The following SBF2 variants were observed in gnomAD, a reference collection of about 807,000 sequenced individuals.
SBF2 encodes SET binding factor 2, also known as myotubularin-related protein 13.
SBF2 carries 112 observed loss-of-function variants against 225.2 expected under a neutral mutation model. The observed-to-expected ratio is 0.50, with a 90% CI of 0.43 to 0.58. SBF2 has a LOEUF of 0.58. Among genes scored for constraint, SBF2 ranks in the 20% least tolerant of loss-of-function variants. The probability of loss-of-function intolerance (pLI) is 0.00; values close to 1 mark genes in which losing one functional copy is unlikely to be tolerated. For missense variants in SBF2, 1,996 were observed against 2,206.2 expected, an observed-to-expected ratio of 0.90 and a Z score of 1.91; for synonymous variants, 763 against 773.3, an observed-to-expected ratio of 0.99 and a Z score of 0.22.
chr11:9,850,633 T>G (rs1039576660), intron 21 of SBF2, among the ~76,000 whole-genome samples: 6 of 152,206 alleles, frequency 3.9e-5, no homozygotes, highest in African/African-American at 1.2e-4. Context: ...CTAAAAAACT[T>G]AAGCCAGACT....
intron 1 of SBF2, among the ~76,000 whole-genome samples, chr11:10,283,291 G>A (rs1963532097): frequency 6.6e-6 from 1 of 152,068 alleles, no homozygotes; most frequent in African/African-American, 2.4e-5. Flanking sequence ...CTTGACAGGT[G>A]GCAACAAACA....
intron 2 of SBF2, among the ~76,000 whole-genome samples, chr11:10,165,955 AAAG>A (rs1955932735): frequency 6.6e-6 from 1 of 152,238 alleles, no homozygotes; most frequent in African/African-American, 2.4e-5. Context: ...AACTCACAGA[AAAG>A]AATAAGACTC....
chr11:10,159,526 G>C (rs776712041), intron 2 of SBF2, among the ~76,000 whole-genome samples: 1 of 152,158 alleles, frequency 6.6e-6, no homozygotes, highest in African/African-American at 2.4e-5. Flanking sequence ...AGCACAAGAA[G>C]ACAGCTTCGA....
Position 9,914,185 on chromosome 11 carries a change from G to A in SBF2, c.1861-18174C>T, listed in dbSNP as rs532560466. 1.3e-4 allele frequency among the ~76,000 whole-genome samples: 20 copies of A among 152,252 alleles called. No individual in the cohort carries two copies. In the South Asian group the frequency reaches 4.2e-3, roughly 32 times the overall value. ...AAAACAGCTGTGATTAATATGCTAG[G>A]GGCTCCACTGGATAAAGTAGACAGC... is the stretch of plus-strand genomic sequence containing the variant. On this transcript the variant is annotated intron_variant, in intron 16 of 39. Transcript: ENST00000256190.
chr11:9,803,067 T>C (rs990846953), intron 32 of SBF2, among the ~76,000 whole-genome samples: 5 of 152,220 alleles, frequency 3.3e-5, no homozygotes, highest in Non-Finnish European at 5.9e-5. Flanking sequence ...GAAGTCATAC[T>C]GATAGGGTCT....
chr11:9,967,312 C>T (rs1466227849), intron 14 of SBF2, among the ~76,000 whole-genome samples: 1 of 150,134 alleles, frequency 6.7e-6, no homozygotes, highest in Non-Finnish European at 1.5e-5. Flanking sequence ...GCGGAGCTTG[C>T]AGTGAGCCGA....
At chr11:10,065,754 C>T (rs1456173441) in intron 2 of SBF2, among the ~76,000 whole-genome samples, 1 of 152,118 alleles carries the variant, frequency 6.6e-6, no homozygotes, top group Admixed American at 6.6e-5. Context: ...GAGTTCGAGA[C>T]CAGCTTAACA....
At chr11:9,817,116 T>C (rs1459459349) in intron 28 of SBF2, 92 bp from the exon 29 acceptor site, 2 of 1,345,748 alleles carry the variant, frequency 1.5e-6, no homozygotes, top group African/African-American at 1.4e-5. Flanking sequence ...GCTACAGTTT[T>C]AGAGGTCATA....
chr11:9,953,274 T>C (rs967318964), intron 16 of SBF2, among the ~76,000 whole-genome samples: 1 of 152,024 alleles, frequency 6.6e-6, no homozygotes, highest in Non-Finnish European at 1.5e-5. Flanking sequence ...TGAAACTCCA[T>C]CTCTACTAAA....
chr11:10,160,225 T>TA (rs1955674155), intron 2 of SBF2, among the ~76,000 whole-genome samples: 1 of 151,572 alleles, frequency 6.6e-6, no homozygotes, highest in South Asian at 2.1e-4. Flanking sequence ...AGTCGTGAAA[T>TA]AAAAACATGT....
At chr11:10,221,016 C>G (rs1383665251) in intron 1 of SBF2, among the ~76,000 whole-genome samples, 1 of 152,070 alleles carries the variant, frequency 6.6e-6, no homozygotes, top group East Asian at 1.9e-4. Context: ...TTCTATTCCT[C>G]TGTGTTCTTC....
chr11:9,785,409 A>G, intron 36 of SBF2, 91 bp from the exon 37 acceptor site: 1 of 1,061,660 alleles, frequency 9.4e-7, no homozygotes, highest in Non-Finnish European at 1.5e-6. Flanking sequence ...ATCTCAAGGA[A>G]AAAACTGGAC....
chr11:10,295,242 C>T (rs1440942117), upstream of SBF2, among the ~76,000 whole-genome samples: 1 of 152,158 alleles, frequency 6.6e-6, no homozygotes, highest in Non-Finnish European at 1.5e-5. Flanking sequence ...AAGACAAGGC[C>T]TCTTAGCAAA....
intron 13 of SBF2, among the ~76,000 whole-genome samples, chr11:9,973,743 G>T (rs890337823): frequency 6.6e-6 from 1 of 152,150 alleles, no homozygotes. Flanking sequence ...TACAAGGCTT[G>T]AAACTAATTT....
chr11:9,891,870 C>A (rs1860850104), intron 17 of SBF2, among the ~76,000 whole-genome samples: 1 of 152,118 alleles, frequency 6.6e-6, no homozygotes, highest in Non-Finnish European at 1.5e-5. Context: ...AACACTCTGA[C>A]ACTAAATAAA....
intron 1 of SBF2, among the ~76,000 whole-genome samples, chr11:10,280,981 A>G (rs1352710833): frequency 3.3e-5 from 5 of 152,200 alleles, no homozygotes; most frequent in African/African-American, 4.8e-5. Context: ...ACTGATCGCT[A>G]TCTGCCACAC....
At chr11:10,144,901 A>G (rs1214530879) in intron 2 of SBF2, among the ~76,000 whole-genome samples, 1 of 152,248 alleles carries the variant, frequency 6.6e-6, no homozygotes, top group Non-Finnish European at 1.5e-5. Flanking sequence ...GCAACTTAAC[A>G]TACTACTTCA....
intron 13 of SBF2, among the ~76,000 whole-genome samples, chr11:9,975,374 T>C (rs933415107): frequency 1.3e-5 from 2 of 152,100 alleles, no homozygotes; most frequent in African/African-American, 4.8e-5. Flanking sequence ...CTGTGCTAAG[T>C]GAATGAAGCT....
At chr11:10,221,879 C>T (rs1039042969) in intron 1 of SBF2, among the ~76,000 whole-genome samples, 1 of 152,126 alleles carries the variant, frequency 6.6e-6, no homozygotes, top group Admixed American at 6.5e-5. Flanking sequence ...CTAAGATAAA[C>T]CCCACTGTTT....
Sources: gnomAD v4.1 joint callset for allele counts (sites outside exome capture counted in the v4.1 genomes callset) on GRCh38, gnomAD v4.1.1 for gene constraint, MANE v1.5 for transcripts, NCBI Gene and HGNC (gene_info 2026-07-23, HGNC 2026-07-21) for gene names.